The following GHR variants were observed in gnomAD, a reference collection of about 807,000 sequenced individuals.
GHR encodes the protein GH receptor.
A neutral mutation model predicts 67.1 loss-of-function variants in GHR; 35 were observed. That is an observed-to-expected ratio of 0.52 (90% CI 0.40 to 0.69). The LOEUF is 0.69. Ranked by LOEUF, GHR falls within the 30% of genes least tolerant of loss-of-function variation. The probability of loss-of-function intolerance (pLI) is 0.00; values close to 1 mark genes in which losing one functional copy is unlikely to be tolerated. For synonymous variants in GHR, 272 were observed against 269.1 expected, an observed-to-expected ratio of 1.01 and a Z score of -0.10; for missense variants, 792 against 764.6, an observed-to-expected ratio of 1.04 and a Z score of -0.42.
At chr5:42,525,443 T>G (rs1747665529) in intron 1 of GHR, among the ~76,000 whole-genome samples, 1 of 152,234 alleles carries the variant, frequency 6.6e-6, no homozygotes, top group Non-Finnish European at 1.5e-5. Context: ...CAATACCTGT[T>G]GTATCTAGGA....
At chr5:42,664,914 A>C (rs1230184488) in intron 3 of GHR, among the ~76,000 whole-genome samples, 8 of 152,026 alleles carry the variant, frequency 5.3e-5, no homozygotes, top group East Asian at 1.9e-4. Context: ...AACAAACAAC[A>C]CCATCAAAAA....
intron 3 of GHR, among the ~76,000 whole-genome samples, chr5:42,669,292 TATTTTGTTGC>T (rs1756153614): frequency 6.6e-6 from 1 of 152,224 alleles, no homozygotes; most frequent in African/African-American, 2.4e-5. Flanking sequence ...CAAAAGACCC[TATTTTGTTGC>T]ATTTGAAATT....
chr5:42,565,819 TGCTTTTAATTGCTGG>T (rs1749891930), intron 1 of GHR, 30 bp from the exon 2 acceptor site: 3 of 1,613,798 alleles, frequency 1.9e-6, no homozygotes, highest in Non-Finnish European at 2.5e-6. Context: ...GATAATGGTC[TGCTTTTAATTGCTGG>T]GCTTTACCTT....
intron 1 of GHR, among the ~76,000 whole-genome samples, chr5:42,513,120 T>A (rs1747091339): frequency 6.6e-6 from 1 of 152,206 alleles, no homozygotes; most frequent in Admixed American, 6.5e-5. Context: ...GCAAGCTACT[T>A]CACATTTCTG....
intron 3 of GHR, among the ~76,000 whole-genome samples, chr5:42,654,721 A>G (rs551271706): frequency 6.6e-6 from 1 of 152,280 alleles, no homozygotes; most frequent in East Asian, 1.9e-4. Flanking sequence ...GGTGGAGTTC[A>G]GGGGCTTGAT....
intron 1 of GHR, among the ~76,000 whole-genome samples, chr5:42,456,823 G>A (rs1442394800): frequency 6.6e-6 from 1 of 152,110 alleles, no homozygotes; most frequent in Non-Finnish European, 1.5e-5. Context: ...TTTGAATATG[G>A]AAAAATCCCA....
chr5:42,526,269 T>C, intron 1 of GHR, among the ~76,000 whole-genome samples: 1 of 152,076 alleles, frequency 6.6e-6, no homozygotes, highest in Non-Finnish European at 1.5e-5. Flanking sequence ...AGCCACAACA[T>C]TTTCTTAAGC....
chr5:42,576,088 A>G (rs147846630), intron 2 of GHR, among the ~76,000 whole-genome samples: 23,209 of 115,898 alleles, frequency 0.2, 2,653 homozygotes, highest in African/African-American at 0.25. Flanking sequence ...ATAAAATAAA[A>G]TAAAATAAAA....
intron 1 of GHR, among the ~76,000 whole-genome samples, chr5:42,480,565 G>T (rs1172991106): frequency 6.6e-6 from 1 of 152,156 alleles, no homozygotes; most frequent in Non-Finnish European, 1.5e-5. Context: ...ATGAATCTGG[G>T]TGCTCCTGTA....
chr5:42,584,882 A>C (rs1330074807), intron 2 of GHR, among the ~76,000 whole-genome samples: 1 of 152,082 alleles, frequency 6.6e-6, no homozygotes, highest in Non-Finnish European at 1.5e-5. Context: ...TAGTAAGCAA[A>C]TTTGCTTTCA....
chr5:42,438,176 T>G (rs548528400), intron 1 of GHR, among the ~76,000 whole-genome samples: 1 of 152,324 alleles, frequency 6.6e-6, no homozygotes, highest in African/African-American at 2.4e-5. Flanking sequence ...AAGTCCTTTT[T>G]TATATTATTT....
At chr5:42,484,769 AG>A (rs756060540) in intron 1 of GHR, among the ~76,000 whole-genome samples, 16 of 152,210 alleles carry the variant, frequency 1.1e-4, no homozygotes, top group Non-Finnish European at 2.2e-4. Flanking sequence ...GTTAATCAAA[AG>A]CTCATTGTAG....
At chr5:42,514,076 C>T (rs942091320) in intron 1 of GHR, 61 of 976,658 alleles carry the variant, frequency 6.2e-5, no homozygotes, top group Admixed American at 5.5e-4. Flanking sequence ...ATTTTTTCTT[C>T]TAGTTAAAAT....
At chr5:42,624,548 A>G (rs932216599) in intron 2 of GHR, among the ~76,000 whole-genome samples, 2 of 152,236 alleles carry the variant, frequency 1.3e-5, no homozygotes, top group Non-Finnish European at 2.9e-5. Flanking sequence ...GTGCATATTT[A>G]ATGTATACAG....
At chr5:42,682,127 G>A (rs1227579197) in intron 3 of GHR, among the ~76,000 whole-genome samples, 3 of 152,132 alleles carry the variant, frequency 2.0e-5, no homozygotes, top group Non-Finnish European at 4.4e-5. Flanking sequence ...CAGGGACATG[G>A]ATGAAGCTGG....
At chr5:42,548,252 T>A in intron 1 of GHR, 1 of 985,178 alleles carries the variant, frequency 1.0e-6, no homozygotes, top group South Asian at 4.7e-5. Context: ...AGATTGAGAA[T>A]GACTGATTTG....
chr5:42,575,510 G>A (rs1237285627), intron 2 of GHR, among the ~76,000 whole-genome samples: 1 of 152,010 alleles, frequency 6.6e-6, no homozygotes, highest in Non-Finnish European at 1.5e-5. Context: ...ATCCAACAGT[G>A]GTGTGGGTGG....
intron 2 of GHR, among the ~76,000 whole-genome samples, chr5:42,607,359 G>T (rs12233949): frequency 2.0e-5 from 3 of 152,040 alleles, no homozygotes; most frequent in Non-Finnish European, 2.9e-5. Context: ...CTTCTAAGAA[G>T]GTAAAGCTAG....
chr5:42,503,881 C>T (rs1561081036), intron 1 of GHR, among the ~76,000 whole-genome samples: 1 of 151,752 alleles, frequency 6.6e-6, no homozygotes, highest in Non-Finnish European at 1.5e-5. Flanking sequence ...ATAAAAGTTG[C>T]AACAGGAAAC....
Sources: gnomAD v4.1 joint callset for allele counts (sites outside exome capture counted in the v4.1 genomes callset) on GRCh38, gnomAD v4.1.1 for gene constraint, MANE v1.5 for transcripts, NCBI Gene and HGNC (gene_info 2026-07-23, HGNC 2026-07-21) for gene names.